Variants in GPC5 observed in about 807,000 individuals in gnomAD.
GPC5 encodes glypican-5.
A neutral mutation model predicts 53.9 loss-of-function variants in GPC5; 47 were observed. The ratio of observed to expected loss-of-function variants is 0.87; its 90% confidence interval spans 0.69 to 1.11. GPC5 has a LOEUF of 1.11. GPC5 is among the 50% of genes most tolerant of loss of function. GPC5 has a pLI of 0.00. For missense variants in GPC5, 748 were observed against 713.1 expected (o/e 1.05, Z -0.56); for synonymous variants, 286 against 263.3 (o/e 1.09, Z -0.84).
At chr13:91,466,305 A>G (rs1017128336) in intron 2 of GPC5, among the ~76,000 whole-genome samples, 9 of 152,184 alleles carry the variant, frequency 5.9e-5, no homozygotes, top group African/African-American at 1.4e-4. Flanking sequence ...TGTAAGTCCT[A>G]TTAAACTCAT....
chr13:91,814,341 GA>G (rs2038365587), intron 5 of GPC5, among the ~76,000 whole-genome samples: 1 of 151,998 alleles, frequency 6.6e-6, no homozygotes, highest in Non-Finnish European at 1.5e-5. Flanking sequence ...TGTATACATA[GA>G]AACATTTCCA....
intron 6 of GPC5, among the ~76,000 whole-genome samples, chr13:91,954,941 T>C (rs544275547): frequency 6.6e-6 from 1 of 152,208 alleles, no homozygotes; most frequent in East Asian, 1.9e-4. Flanking sequence ...ATTCCTCATT[T>C]CCAACAACAT....
intron 7 of GPC5, among the ~76,000 whole-genome samples, chr13:92,436,964 C>T (rs1471956337): frequency 2.0e-5 from 3 of 152,022 alleles, no homozygotes; most frequent in Admixed American, 2.0e-4. Context: ...AAAGGGAAAA[C>T]ATGACAAAAT....
At chr13:92,562,065 C>A (rs1377048842) in intron 7 of GPC5, among the ~76,000 whole-genome samples, 1 of 151,994 alleles carries the variant, frequency 6.6e-6, no homozygotes, top group Admixed American at 6.6e-5. Flanking sequence ...GCAGTTTTAG[C>A]CTCCAATAGG....
In GPC5 at chr13:92,678,646, A is replaced by G. The variant is rs1452658168; in HGVS notation, c.1562-187636A>G. Among the ~76,000 whole-genome samples the G allele has an allele frequency of 2.0e-5, 3 of 152,182 alleles. No individual in the cohort carries two copies. The South Asian group carries it at 6.2e-4, about 32-fold the overall frequency. On this transcript the variant is annotated intron_variant, in intron 7 of 7. Transcript: ENST00000377067. ...TTTTAGTTGTAAGGCAAGAAGAGGG[A>G]CCAACCATAGAGAGTCTTAGATGTC...
intron 7 of GPC5, among the ~76,000 whole-genome samples, chr13:92,385,040 A>T (rs1196176622): frequency 6.6e-6 from 1 of 152,052 alleles, no homozygotes; most frequent in Non-Finnish European, 1.5e-5. Context: ...GTATTACAGA[A>T]TGGCTAAAAC....
intron 7 of GPC5, among the ~76,000 whole-genome samples, chr13:92,519,799 A>G (rs1455686865): frequency 1.3e-5 from 2 of 152,252 alleles, no homozygotes; most frequent in Non-Finnish European, 2.9e-5. Context: ...CGAAGGAGAT[A>G]GAGACACAAA....
chr13:92,737,788 G>A (rs1594466909), intron 7 of GPC5, among the ~76,000 whole-genome samples: 1 of 92,106 alleles, frequency 1.1e-5, no homozygotes, highest in East Asian at 3.5e-4. Context: ...TTTTTTGAGA[G>A]GGAGTTTCAC....
chr13:91,432,211 GT>G (rs1566390208), intron 1 of GPC5, among the ~76,000 whole-genome samples: 1 of 121,602 alleles, frequency 8.2e-6, no homozygotes, highest in Non-Finnish European at 1.8e-5. Context: ...TGCTGTGTGT[GT>G]GTGTGTGTGT....
chr13:92,533,971 A>G (rs1687193160), intron 7 of GPC5, among the ~76,000 whole-genome samples: 1 of 152,120 alleles, frequency 6.6e-6, no homozygotes, highest in South Asian at 2.1e-4. Flanking sequence ...TTCCTCCAAT[A>G]CTACTTGGGC....
intron 5 of GPC5, among the ~76,000 whole-genome samples, chr13:91,839,890 C>A (rs2038765225): frequency 1.3e-5 from 2 of 152,076 alleles, no homozygotes; most frequent in African/African-American, 4.8e-5. Flanking sequence ...CATGGCAATG[C>A]TGTTAGACAT....
At chr13:92,498,313 G>A (rs1183634852) in intron 7 of GPC5, among the ~76,000 whole-genome samples, 2 of 151,966 alleles carry the variant, frequency 1.3e-5, no homozygotes, top group African/African-American at 4.8e-5. Flanking sequence ...CACTTAGGAG[G>A]GGCCACATGT....
At chr13:91,797,910 G>C (rs1299495126) in intron 5 of GPC5, among the ~76,000 whole-genome samples, 1 of 152,178 alleles carries the variant, frequency 6.6e-6, no homozygotes, top group Non-Finnish European at 1.5e-5. Flanking sequence ...TACAGCTTTT[G>C]TAAATATTTA....
At chr13:91,763,275 C>T (rs1333578518) in intron 5 of GPC5, among the ~76,000 whole-genome samples, 1 of 152,048 alleles carries the variant, frequency 6.6e-6, no homozygotes. Context: ...TTTTTTCTCC[C>T]CCCCGGACAA....
intron 5 of GPC5, among the ~76,000 whole-genome samples, chr13:91,866,361 G>C (rs1193628159): frequency 6.6e-6 from 1 of 152,208 alleles, no homozygotes; most frequent in Non-Finnish European, 1.5e-5. Flanking sequence ...CAAATCTCAT[G>C]TTGAAATGTG....
At chr13:92,823,814 C>T (rs1413345665) in intron 7 of GPC5, among the ~76,000 whole-genome samples, 1 of 152,032 alleles carries the variant, frequency 6.6e-6, no homozygotes, top group Non-Finnish European at 1.5e-5. Context: ...CCTGTTAAAA[C>T]ACTACCTAAT....
At chr13:91,432,245 G>T (rs996637854) in intron 1 of GPC5, among the ~76,000 whole-genome samples, 4 of 143,138 alleles carry the variant, frequency 2.8e-5, no homozygotes, top group East Asian at 4.3e-4. Context: ...GTGTGTGTGT[G>T]TGTGTATGTT....
chr13:92,613,143 T>C (rs1378238704), intron 7 of GPC5, among the ~76,000 whole-genome samples: 2 of 148,106 alleles, frequency 1.4e-5, no homozygotes, highest in African/African-American at 2.5e-5. Flanking sequence ...TCCAAAATGA[T>C]TAGGTTTGCA....
intron 7 of GPC5, among the ~76,000 whole-genome samples, chr13:92,528,296 A>G (rs868776154): frequency 3.9e-4 from 59 of 152,208 alleles, no homozygotes; most frequent in African/African-American, 1.4e-3. Flanking sequence ...TATAAACTTT[A>G]AAAAAGAGGA....
Sources: allele counts gnomAD v4.1 joint callset (sites outside exome capture counted in the v4.1 genomes callset), GRCh38; gene constraint gnomAD v4.1.1; transcripts MANE v1.5; gene names NCBI Gene and HGNC (gene_info 2026-07-23, HGNC 2026-07-21).